ZNF827: variants seen among roughly 807,000 people sequenced by gnomAD.
The protein encoded by ZNF827 is zinc finger protein 827.
Under a neutral mutation model 102.4 loss-of-function variants are expected in ZNF827, and 13 were observed. That is an observed-to-expected ratio of 0.13 (90% confidence interval 0.08 to 0.20). The LOEUF (loss-of-function observed/expected upper bound fraction) is 0.20. Ranked by LOEUF, ZNF827 falls within the 10% of genes least tolerant of loss-of-function variation. ZNF827 has a pLI of 1.00. For missense variants in ZNF827, 1,103 were observed against 1,344.4 expected, an observed-to-expected ratio of 0.82 and a Z score of 2.81; for synonymous variants, 523 against 536.2, an observed-to-expected ratio of 0.98 and a Z score of 0.34.
At chr4:145,808,159 A>G (rs1741670013) in intron 8 of ZNF827, among the ~76,000 whole-genome samples, 1 of 151,926 alleles carries the variant, frequency 6.6e-6, no homozygotes, top group South Asian at 2.1e-4. Flanking sequence ...AATTAGGATG[A>G]GTCACCTTAC....
At position 145,765,222 on chromosome 4, in the gene ZNF827, G is replaced by A; in HGVS notation, c.3053-57C>T. ...ACAGGGCAGCGGGGAGAGGAGGGCA[G>A]GAGTGGAGCCAAGCTCCTCCCCACT... is the stretch of plus-strand genomic sequence containing the variant. On this transcript the variant is annotated intron_variant, in intron 12 of 14. Transcript: ENST00000508784. This position sits in a 1 kb window ranked among gnomAD's most constrained non-coding sequence, Gnocchi z 4.7. 6.6e-7 allele frequency: 1 copy of A among 1,509,764 alleles called. No homozygotes were observed. The highest frequency in any genetic ancestry group is 8.9e-7 in the Non-Finnish European group (1 of 1,124,780). 93.5% of individuals were successfully genotyped at this position (1,509,764 alleles called of 1,614,324 possible). A position where few individuals can be genotyped will look rare whatever the true frequency, so the allele number is the denominator to read the frequency against.
intron 6 of ZNF827, 140 bp downstream of exon 6, chr4:145,849,182 G>T: frequency 9.9e-7 from 1 of 1,010,074 alleles, no homozygotes; most frequent in Non-Finnish European, 1.4e-6. Flanking sequence ...TTGGGTGGCA[G>T]TATGCATGTT....
chr4:145,842,017 G>A lies in ZNF827; in HGVS notation c.2279+3939C>T, dbSNP rs1312775315. On this transcript the variant is annotated intron_variant, in intron 7 of 14. Coordinates refer to ENST00000508784, the MANE Select transcript of ZNF827 (RefSeq NM_001306215.2). ...AATAATCTACAGGGAGGGGGAAGTA[G>A]AGGAGGGAGATAGATAAAACATCAT... Among the ~76,000 whole-genome samples the A allele has an allele frequency of 2.6e-5, 4 of 152,188 alleles. No individual in the cohort carries two copies. The South Asian group carries it at 6.2e-4, about 24-fold the overall frequency.
intron 7 of ZNF827, among the ~76,000 whole-genome samples, chr4:145,836,979 T>C (rs1744908495): frequency 6.6e-6 from 1 of 152,248 alleles, no homozygotes; most frequent in African/African-American, 2.4e-5. Context: ...TTAGCTTTAC[T>C]CAACATGCCC....
At chr4:145,823,546 T>A in intron 7 of ZNF827, 21 bp from the exon 8 acceptor site, 1 of 1,535,874 alleles carries the variant, frequency 6.5e-7, no homozygotes, top group Non-Finnish European at 9.0e-7. Flanking sequence ...GGAGGGGGAG[T>A]GAAGTTTAGT....
chr4:145,911,252 T>C (rs1273613090), intron 1 of ZNF827, among the ~76,000 whole-genome samples: 1 of 152,206 alleles, frequency 6.6e-6, no homozygotes, highest in Non-Finnish European at 1.5e-5. Flanking sequence ...GCCCCAACTT[T>C]CTTTGAGTTT....
chr4:145,791,675 T>C (rs1041747567), intron 8 of ZNF827, among the ~76,000 whole-genome samples: 1 of 152,226 alleles, frequency 6.6e-6, no homozygotes, highest in African/African-American at 2.4e-5. Context: ...GATTTAGGTA[T>C]AGCTGAAAGA....
chr4:145,914,078 C>T lies in ZNF827; in HGVS notation c.44-10863G>A, dbSNP rs1054580712. On this transcript the variant is annotated intron_variant, in intron 1 of 14. Coordinates refer to ENST00000508784, the MANE Select transcript of ZNF827 (RefSeq NM_001306215.2). ...TTCTTTGTAGACACACACACACACA[C>T]ACACACACACACCAAGAGCATTGGC... Among the ~76,000 whole-genome samples the T allele has an allele frequency of 1.9e-4, 29 of 151,816 alleles. 2 individuals are homozygous for T. Among genetic ancestry groups the T allele is most frequent in the Admixed American group, 1.8e-3 (27 of 15,262 alleles).
intron 7 of ZNF827, among the ~76,000 whole-genome samples, chr4:145,838,509 A>G (rs1745102833): frequency 6.6e-6 from 1 of 152,148 alleles, no homozygotes; most frequent in Admixed American, 6.5e-5. Context: ...ATGAAAAGTC[A>G]TTTTATCCCA....
At chr4:145,925,531 A>AGAGGT (rs1342939148) in intron 1 of ZNF827, among the ~76,000 whole-genome samples, 22 of 152,194 alleles carry the variant, frequency 1.4e-4, no homozygotes, top group Non-Finnish European at 2.5e-4. Flanking sequence ...CAGAGGTTGC[A>AGAGGT]TCCTACAGAA....
intron 3 of ZNF827, among the ~76,000 whole-genome samples, chr4:145,891,463 T>A (rs926268047): frequency 6.6e-6 from 1 of 152,232 alleles, no homozygotes; most frequent in Non-Finnish European, 1.5e-5. Flanking sequence ...CGGAGTCAGC[T>A]AAAAAGATTT....
intron 4 of ZNF827, among the ~76,000 whole-genome samples, chr4:145,884,063 G>A (rs1749903101): frequency 6.6e-6 from 1 of 152,128 alleles, no homozygotes; most frequent in African/African-American, 2.4e-5. Context: ...GGGGGAGAGA[G>A]GTGATGAGGA....
At position 145,763,866 on chromosome 4, in the gene ZNF827, C is replaced by T. The variant is rs1226482578; in HGVS notation, c.3231-744G>A. Among the ~76,000 whole-genome samples, 1 of 152,164 alleles carries T rather than the reference C, an allele frequency of 6.6e-6. No individual in the cohort carries two copies. ...TCCCTTCTGCCCTCCCCTCCCCCTC[C>T]CCCAAGAGTGAAACGAAATGGAGTT... On this transcript the variant is annotated intron_variant, in intron 13 of 14. Transcript: ENST00000508784. The surrounding 1 kb of genome is among the most constrained non-coding windows in gnomAD (Gnocchi z 4.6).
chr4:145,807,638 A>ATT (rs1741587589), intron 8 of ZNF827, among the ~76,000 whole-genome samples: 1 of 151,726 alleles, frequency 6.6e-6, no homozygotes, highest in African/African-American at 2.4e-5. Context: ...CGCCCAGCTA[A>ATT]TTTTTGTATT....
Position 145,902,901 on chromosome 4 carries a change from T to C in ZNF827, c.358A>G (p.Ser120Gly). 6.2e-7 allele frequency: 1 copy of C among 1,614,160 alleles called. No homozygotes were observed. Among genetic ancestry groups the C allele is most frequent in the South Asian group, 1.1e-5 (1 of 91,080 alleles). The stretch of plus-strand genomic sequence containing the variant: ...TCCAGCAGCCGCCTCAAATTGCTGC[T>C]CAGGGGCTTGTTGGAGCCTGGGTCA... ...DDDPGSNKPL[S>G]SNLRRLLEAG... The change falls in exon 2 of 15, where the codon AGC (serine) becomes GGC (glycine). Residue 120 changes from serine (S) to glycine (G), a missense_variant. By Grantham distance (56) the Ser-to-Gly change is moderately conservative. Transcript: ENST00000508784. The surrounding 1 kb of genome is among the most constrained non-coding windows in gnomAD (Gnocchi z 4.3).
intron 1 of ZNF827, among the ~76,000 whole-genome samples, chr4:145,911,231 C>T (rs1352175805): frequency 3.3e-5 from 5 of 152,162 alleles, no homozygotes; most frequent in Non-Finnish European, 7.4e-5. Context: ...AGTCGCCGCC[C>T]CCTCTAAGAA....
At chr4:145,899,786 G>A (rs149097883) in intron 2 of ZNF827, among the ~76,000 whole-genome samples, 8 of 152,348 alleles carry the variant, frequency 5.3e-5, no homozygotes, top group African/African-American at 1.9e-4. Flanking sequence ...AAATGGGAGA[G>A]TTGGGGTGGG....
rs1174426323 is a variant in ZNF827 at position 145,765,484 on chromosome 4, T to A, written c.3052+63A>T. 13 of 1,538,016 alleles carry A rather than the reference T, an allele frequency of 8.5e-6. No homozygotes were observed. The highest frequency in any genetic ancestry group is 4.0e-5 in the Admixed American group (2 of 50,488). ...GACATCGCTCCTGTGCAGGGCTTATTCTCAAGAATGGGTCATCCTGGGTGC... is the reference window on the plus strand; with the variant it reads ...GACATCGCTCCTGTGCAGGGCTTATACTCAAGAATGGGTCATCCTGGGTGC... On this transcript the variant is annotated intron_variant, in intron 12 of 14. Coordinates refer to ENST00000508784, the MANE Select transcript of ZNF827 (RefSeq NM_001306215.2). This position sits in a 1 kb window ranked among gnomAD's most constrained non-coding sequence, Gnocchi z 4.7.
intron 7 of ZNF827, among the ~76,000 whole-genome samples, chr4:145,837,744 T>A (rs1744999618): frequency 6.6e-6 from 1 of 152,208 alleles, no homozygotes; most frequent in African/African-American, 2.4e-5. Flanking sequence ...CTTAGACCTT[T>A]TATACCTGTT....
Sources: gnomAD v4.1 joint callset for allele counts (sites outside exome capture counted in the v4.1 genomes callset) on GRCh38, gnomAD v4.1.1 for gene constraint, Gnocchi (gnomAD v3.1) non-coding constraint, MANE v1.5 for transcripts, NCBI Gene and HGNC (gene_info 2026-07-23, HGNC 2026-07-21) for gene names.